The following CACNG7 variants were observed in gnomAD, a reference collection of about 807,000 sequenced individuals.
The protein encoded by CACNG7 is calcium voltage-gated channel auxiliary subunit gamma 7.
CACNG7 carries 9 observed loss-of-function variants against 26.3 expected under a neutral mutation model. That is an observed-to-expected ratio of 0.34 (90% CI 0.21 to 0.60). The LOEUF (loss-of-function observed/expected upper bound fraction) is 0.60, where lower values mean the gene tolerates loss of function less well. CACNG7 is among the 20% of genes least tolerant of loss of function. The pLI is 0.81. For missense variants in CACNG7, 297 were observed against 380.4 expected (o/e 0.78, Z 1.82); for synonymous variants, 170 against 157.0 (o/e 1.08, Z -0.62).
At chr19:53,937,962 TG>T (rs1568784542) in intron 4 of CACNG7, among the ~76,000 whole-genome samples, 2 of 152,056 alleles carry the variant, frequency 1.3e-5, no homozygotes, top group Non-Finnish European at 2.9e-5. Context: ...TGGGGAAATC[TG>T]GGGGAAGAGC....
chr19:53,923,183 G>GGTCATTGGTGGGGTTGTCCCAGGCTC (rs1440166025), intron 4 of CACNG7, among the ~76,000 whole-genome samples: 1 of 81,952 alleles, frequency 1.2e-5, no homozygotes, highest in East Asian at 3.4e-4. Flanking sequence ...TCCCAGGTCT[G>GGTCATTGGTGGGGTTGTCCCAGGCTC]GTCATTGGTG....
rs1250858387 is a variant in CACNG7, at chr19:53,942,648, A to C, written c.*355A>C. ...GCAGCCAGAGGCGGTGCAAGCGCCC[A>C]GCTCCCCAGAGCTCCCCAACCTCGG... On this transcript the variant is annotated 3_prime_UTR_variant, in exon 6 of 6. Transcript: ENST00000391767. The surrounding 1 kb of genome is among the most constrained non-coding windows in gnomAD (Gnocchi z 5.9). 2 of 957,964 alleles carry C rather than the reference A, an allele frequency of 2.1e-6. No individual in the cohort carries two copies. Among genetic ancestry groups the C allele is most frequent in the Non-Finnish European group, 2.6e-6 (2 of 764,892 alleles). The allele number at this position is 957,964 out of a possible 1,614,324, so 59.3% of individuals were successfully genotyped here. A position where few individuals can be genotyped will look rare whatever the true frequency, so the allele number is the denominator to read the frequency against.
At chr19:53,923,539 G>A (rs1270431100) in intron 4 of CACNG7, among the ~76,000 whole-genome samples, 8 of 132,426 alleles carry the variant, frequency 6.0e-5, no homozygotes, top group Non-Finnish European at 9.9e-5. Context: ...TCTGGTCATT[G>A]GTGGAGTTGT....
intron 4 of CACNG7, among the ~76,000 whole-genome samples, chr19:53,927,222 G>C (rs2069038039): frequency 6.6e-6 from 1 of 152,026 alleles, no homozygotes; most frequent in Admixed American, 6.6e-5. Context: ...GGCGCAGCTG[G>C]GCTGAGACCT....
intron 4 of CACNG7, among the ~76,000 whole-genome samples, chr19:53,931,854 C>T (rs947869071): frequency 5.4e-5 from 8 of 149,304 alleles, no homozygotes; most frequent in African/African-American, 2.0e-4. Flanking sequence ...CTCCGCCTCC[C>T]AGGTTTGCGC....
intron 4 of CACNG7, among the ~76,000 whole-genome samples, chr19:53,933,132 G>C (rs765054892): frequency 1.3e-5 from 2 of 151,696 alleles, no homozygotes; most frequent in African/African-American, 2.4e-5. Context: ...TTTTGAGACA[G>C]AGTCTCACTC....
At chr19:53,930,398 A>G (rs1599993579) in intron 4 of CACNG7, among the ~76,000 whole-genome samples, 1 of 151,910 alleles carries the variant, frequency 6.6e-6, no homozygotes, top group East Asian at 1.9e-4. Context: ...TTTGAGACGG[A>G]GTCTCACTCT....
rs893990522 is a variant in CACNG7 at position 53,909,334 on chromosome 19, C to T, written c.-213C>T. The T allele has an allele frequency of 6.8e-6, 1 of 147,684 alleles. No homozygotes were observed. Among genetic ancestry groups the T allele is most frequent in the Non-Finnish European group, 1.5e-5 (1 of 66,004 alleles). 9.1% of individuals were successfully genotyped at this position (147,684 alleles called of 1,614,324 possible). ...CCCGGCTCCGTCCGCCGAGTGAGGCCGCGGCCGCGGGGGGTGGGGGGTGGG... is the reference window on the plus strand; with the variant it reads ...CCCGGCTCCGTCCGCCGAGTGAGGCTGCGGCCGCGGGGGGTGGGGGGTGGG... On this transcript the variant is annotated 5_prime_UTR_variant, in exon 1 of 6. Transcript: ENST00000391767. The surrounding 1 kb of genome is among the most constrained non-coding windows in gnomAD (Gnocchi z 5.1).
chr19:53,924,836 G>C (rs183013888), intron 4 of CACNG7, among the ~76,000 whole-genome samples: 12,088 of 119,014 alleles, frequency 0.1, 1,063 homozygotes, highest in South Asian at 0.13. Flanking sequence ...CATTGGTGGA[G>C]TTGCCCCAGG....
intron 4 of CACNG7, among the ~76,000 whole-genome samples, chr19:53,927,452 T>G (rs984222444): frequency 2.6e-5 from 4 of 152,090 alleles, no homozygotes; most frequent in Non-Finnish European, 5.9e-5. Context: ...GCTAAGTTGA[T>G]GCCGAAAGGG....
At chr19:53,941,644 G>A in intron 5 of CACNG7, 29 bp downstream of exon 5, 1 of 1,599,932 alleles carries the variant, frequency 6.3e-7, no homozygotes, top group African/African-American at 1.4e-5. Flanking sequence ...AGACTCTAGA[G>A]TTCTGAATGG....
intron 1 of CACNG7, among the ~76,000 whole-genome samples, chr19:53,911,768 G>A (rs2068864003): frequency 6.6e-6 from 1 of 152,218 alleles, no homozygotes; most frequent in Non-Finnish European, 1.5e-5. Flanking sequence ...CGGAGGATGG[G>A]AGGATGTCAT....
chr19:53,920,811 G>GC (rs1555810420), intron 4 of CACNG7, among the ~76,000 whole-genome samples: 5 of 90,538 alleles, frequency 5.5e-5, no homozygotes, highest in South Asian at 3.9e-4. Context: ...CTTGCCCCAG[G>GC]CTGGTCATTG....
intron 4 of CACNG7, among the ~76,000 whole-genome samples, chr19:53,921,296 G>C (rs1462140789): frequency 7.2e-6 from 1 of 139,180 alleles, no homozygotes; most frequent in Non-Finnish European, 1.5e-5. Context: ...CTCAGGTCTG[G>C]TCATTGGTGG....
rs1254105851 is a variant in CACNG7, at chr19:53,943,607, A to AG, written c.*1320dup. The AG allele has an allele frequency of 1.5e-4, 1 of 6,804 alleles. No individual in the cohort carries two copies. Among genetic ancestry groups the AG allele is most frequent in the Non-Finnish European group, 2.7e-4 (1 of 3,668 alleles). 0.4% of individuals were successfully genotyped at this position (6,804 alleles called of 1,614,324 possible). On this transcript the variant is annotated 3_prime_UTR_variant, in exon 6 of 6. Transcript: ENST00000391767. ...AGCGATTTTTAACGAGGCTGGGGGG[A>AG]GGGGGGCACTGGGGTGGGGACAGGG...
intron 4 of CACNG7, among the ~76,000 whole-genome samples, chr19:53,921,539 C>A (rs1163168869): frequency 7.7e-6 from 1 of 130,202 alleles, no homozygotes; most frequent in Non-Finnish European, 1.6e-5. Context: ...CAGGTCTGGT[C>A]ATTGGTGGAG....
chr19:53,927,164 C>T (rs1276062266), intron 4 of CACNG7, among the ~76,000 whole-genome samples: 1 of 152,068 alleles, frequency 6.6e-6, no homozygotes, highest in East Asian at 1.9e-4. Flanking sequence ...AAGTGATCCA[C>T]CCACCTTGGC....
intron 4 of CACNG7, among the ~76,000 whole-genome samples, chr19:53,921,732 G>T (rs942232835): frequency 9.6e-6 from 1 of 103,748 alleles, no homozygotes. Flanking sequence ...GCTGGTCATT[G>T]GTGGAGTTGC....
chr19:53,928,917 T>C (rs961384595), intron 4 of CACNG7, among the ~76,000 whole-genome samples: 9 of 151,954 alleles, frequency 5.9e-5, no homozygotes, highest in Non-Finnish European at 1.2e-4. Flanking sequence ...GAGACCAGCC[T>C]GGCCAACATG....
Sources: allele counts gnomAD v4.1 joint callset (sites outside exome capture counted in the v4.1 genomes callset), GRCh38; gene constraint gnomAD v4.1.1; non-coding constraint Gnocchi (gnomAD v3.1); transcripts MANE v1.5; gene names NCBI Gene and HGNC (gene_info 2026-07-23, HGNC 2026-07-21).